IFT81: variants seen among roughly 807,000 people sequenced by gnomAD.
The protein encoded by IFT81 is intraflagellar transport protein 81 homolog.
Under a neutral mutation model 102.6 loss-of-function variants are expected in IFT81, and 72 were observed. That is an observed-to-expected ratio of 0.70 (90% CI 0.58 to 0.85). The LOEUF is 0.85. Ranked by LOEUF, IFT81 falls within the 40% of genes least tolerant of loss-of-function variation. The pLI, the probability that IFT81 is intolerant of heterozygous loss-of-function variation, is 0.00. For missense variants in IFT81, 723 were observed against 787.3 expected (o/e 0.92, Z 0.98); for synonymous variants, 237 against 242.7 (o/e 0.98, Z 0.22).
chr12:110,174,485 G>GTTTCTTAAACAT (rs1896956959), intron 11 of IFT81, among the ~76,000 whole-genome samples: 1 of 148,750 alleles, frequency 6.7e-6, no homozygotes, highest in Non-Finnish European at 1.5e-5. Flanking sequence ...AAATGGCTTT[G>GTTTCTTAAACAT]TGTTTCTTAA....
chr12:110,146,108 G>T (rs1895215281), intron 9 of IFT81, among the ~76,000 whole-genome samples: 1 of 152,090 alleles, frequency 6.6e-6, no homozygotes, highest in African/African-American at 2.4e-5. Context: ...CACCGTGCCC[G>T]GCCTAATCTG....
At chr12:110,202,482 C>T (rs1898341364) in intron 14 of IFT81, among the ~76,000 whole-genome samples, 1 of 148,940 alleles carries the variant, frequency 6.7e-6, no homozygotes, top group Non-Finnish European at 1.5e-5. Context: ...GAGATGGAGT[C>T]TCACTCTGTC....
intron 11 of IFT81, 79 bp from the exon 12 acceptor site, chr12:110,180,343 A>G (rs1281364696): frequency 3.0e-5 from 23 of 765,848 alleles, no homozygotes; most frequent in Admixed American, 3.2e-5. Context: ...AAATGTGAAT[A>G]TATTGAGTTT....
rs1311630902 is a variant in IFT81, at chr12:110,205,582, T to C, written c.1717-13T>C. ...ATCAAAGTCTTCCCTAAAACTGAAGTCTTTCTATTTAGAACCTAGAAGTTC... is the reference window on the plus strand; with the variant it reads ...ATCAAAGTCTTCCCTAAAACTGAAGCCTTTCTATTTAGAACCTAGAAGTTC... On this transcript the variant is annotated splice_polypyrimidine_tract_variant and intron_variant, in intron 16 of 18. Transcript: ENST00000242591. 6.3e-7 allele frequency: 1 copy of C among 1,594,698 alleles called. No individual in the cohort carries two copies. Among genetic ancestry groups the C allele is most frequent in the Non-Finnish European group, 8.5e-7 (1 of 1,172,582 alleles).
intron 14 of IFT81, among the ~76,000 whole-genome samples, chr12:110,196,812 A>G (rs562890517): frequency 1.3e-5 from 2 of 152,288 alleles, no homozygotes; most frequent in South Asian, 4.1e-4. Flanking sequence ...CTATTAAAGC[A>G]TATATGCCAG....
rs755456032 is a variant in IFT81 at position 110,180,524 on chromosome 12, A to C, written c.1291A>C (p.Thr431Pro). ...LKAEFGLLQR[T>P]EELLKQRHEN... ...AGCTGAATTCGGTCTTTTGCAGAGG[A>C]CTGAAGAACTTCTTAAGCAACGTCA... Residue 431 changes from threonine to proline, a missense_variant, in exon 12 of 19, where the codon ACT (threonine) becomes CCT (proline). By Grantham distance (38) the Thr-to-Pro change is conservative. Coordinates refer to ENST00000242591, the MANE Select transcript of IFT81 (RefSeq NM_014055.4). 1 of 1,609,720 alleles carries C rather than the reference A, an allele frequency of 6.2e-7. No individual in the cohort carries two copies. The highest frequency in any genetic ancestry group is 8.5e-7 in the Non-Finnish European group (1 of 1,176,768).
At chr12:110,183,704 C>T (rs1456232456) in intron 12 of IFT81, among the ~76,000 whole-genome samples, 1 of 152,204 alleles carries the variant, frequency 6.6e-6, no homozygotes, top group African/African-American at 2.4e-5. Flanking sequence ...ACACATGCCT[C>T]TTTCCTAGAC....
chr12:110,153,556 G>C (rs1170333185), intron 10 of IFT81, among the ~76,000 whole-genome samples: 1 of 149,702 alleles, frequency 6.7e-6, no homozygotes, highest in Non-Finnish European at 1.5e-5. Context: ...GTTAATTTAA[G>C]TGTTGGGTGG....
intron 12 of IFT81, among the ~76,000 whole-genome samples, chr12:110,183,634 T>C (rs1897398512): frequency 6.6e-6 from 1 of 152,206 alleles, no homozygotes; most frequent in Admixed American, 6.5e-5. Context: ...CAGTGGACAT[T>C]TTCCGGTTTC....
intron 11 of IFT81, among the ~76,000 whole-genome samples, chr12:110,167,332 C>G (rs934491097): frequency 6.6e-6 from 1 of 152,142 alleles, no homozygotes; most frequent in African/African-American, 2.4e-5. Context: ...TGCCAGAGTT[C>G]TGACATAAGT....
intron 13 of IFT81, among the ~76,000 whole-genome samples, 164 bp from the exon 14 acceptor site, chr12:110,192,453 T>A (rs142382153): frequency 6.6e-6 from 1 of 152,216 alleles, no homozygotes; most frequent in Non-Finnish European, 1.5e-5. Flanking sequence ...TCCATCTTGC[T>A]GAGGAATCAG....
At chr12:110,167,811 C>A in intron 11 of IFT81, 1 of 259,342 alleles carries the variant, frequency 3.9e-6, no homozygotes, top group Non-Finnish European at 7.4e-6. Flanking sequence ...TGTCATTGTA[C>A]GACTCTGTAA....
intron 11 of IFT81, chr12:110,167,879 T>C: frequency 3.9e-6 from 1 of 256,998 alleles, no homozygotes; most frequent in Non-Finnish European, 7.5e-6. Flanking sequence ...AGAGACAGGA[T>C]CTCACTCTGT....
chr12:110,139,866 T>TAAAATAAAATAAAATAAA (rs1477964163), intron 8 of IFT81, among the ~76,000 whole-genome samples: 182 of 130,060 alleles, frequency 1.4e-3, no homozygotes, highest in Non-Finnish European at 2.0e-3. Flanking sequence ...TAAAATAAAA[T>TAAAATAAAATAAAATAAA]ATAAAATAAA....
At chr12:110,197,474 A>G (rs1167639505) in intron 14 of IFT81, among the ~76,000 whole-genome samples, 2 of 136,032 alleles carry the variant, frequency 1.5e-5, no homozygotes, top group Non-Finnish European at 3.2e-5. Context: ...CATTGTACCA[A>G]TCCTGTTTTC....
chr12:110,157,585 A>G (rs1005098709), intron 10 of IFT81, among the ~76,000 whole-genome samples: 1 of 152,008 alleles, frequency 6.6e-6, no homozygotes, highest in Non-Finnish European at 1.5e-5. Flanking sequence ...TGAAGTTTTC[A>G]TACATTATTT....
intron 11 of IFT81, among the ~76,000 whole-genome samples, chr12:110,177,165 G>C (rs1897070120): frequency 6.6e-6 from 1 of 152,070 alleles, no homozygotes; most frequent in African/African-American, 2.4e-5. Flanking sequence ...TGTGAGGGCT[G>C]GATTCCTTAA....
intron 2 of IFT81, 140 bp downstream of exon 2, chr12:110,127,664 C>T: frequency 1.4e-6 from 1 of 734,310 alleles, no homozygotes; most frequent in Non-Finnish European, 2.1e-6. Context: ...TAATGCATAA[C>T]ATTTCTCTGC....
At chr12:110,196,266 C>T (rs752560560) in intron 14 of IFT81, among the ~76,000 whole-genome samples, 30 of 152,164 alleles carry the variant, frequency 2.0e-4, no homozygotes, top group South Asian at 4.1e-4. Flanking sequence ...TGCCTGTAAT[C>T]CTAGCACTTT....
Sources: allele counts gnomAD v4.1 joint callset (sites outside exome capture counted in the v4.1 genomes callset), GRCh38; gene constraint gnomAD v4.1.1; transcripts MANE v1.5; gene names NCBI Gene and HGNC (gene_info 2026-07-23, HGNC 2026-07-21).